The following ITGB6 variants were observed in gnomAD, a reference collection of about 807,000 sequenced individuals.
ITGB6 encodes integrin subunit beta 6, also known as integrin beta-6.
ITGB6 carries 80 observed loss-of-function variants against 84.5 expected under a neutral mutation model. The ratio of observed to expected loss-of-function variants is 0.95; its 90% CI spans 0.79 to 1.14. The LOEUF (loss-of-function observed/expected upper bound fraction) is 1.14, where lower values mean the gene tolerates loss of function less well. Among genes scored for constraint, ITGB6 ranks in the 50% most tolerant of loss-of-function variants. ITGB6 has a pLI of 0.00. For missense variants in ITGB6, 1,006 were observed against 968.0 expected (o/e 1.04, Z -0.52); for synonymous variants, 383 against 354.9 (o/e 1.08, Z -0.89).
intron 4 of ITGB6, among the ~76,000 whole-genome samples, chr2:160,180,398 T>C (rs1040001592): frequency 2.0e-5 from 3 of 152,220 alleles, no homozygotes; most frequent in African/African-American, 4.8e-5. Context: ...CCTCCAGCTC[T>C]GGGACTACAG....
Position 160,111,599 on chromosome 2 carries a change from G to GTTTTT in ITGB6, c.2101+476_2101+480dup, listed in dbSNP as rs35948673. On this transcript the variant is annotated intron_variant, in intron 13 of 14. Coordinates refer to ENST00000283249, the MANE Select transcript of ITGB6 (RefSeq NM_000888.5). ...GCTGCAACTACAAGTCATCTTAGCT[G>GTTTTT]TTTTTTTTTTTTTTTGGCAGAGTCT... is the stretch of plus-strand genomic sequence containing the variant. Among the ~76,000 whole-genome samples the GTTTTT allele has an allele frequency of 4.8e-3, 642 of 134,482 alleles. 16 individuals carry two copies. The highest frequency in any genetic ancestry group is 9.4e-3 in the African/African-American group (334 of 35,368). 88.2% of individuals were successfully genotyped at this position (134,482 alleles called of 152,430 possible).
At position 160,197,140 on chromosome 2, in the gene ITGB6, G is replaced by A. The variant is rs1271417902; in HGVS notation, c.142-720C>T. 3.9e-5 allele frequency among the ~76,000 whole-genome samples: 6 copies of A among 152,218 alleles called. No homozygotes were observed. The South Asian group carries it at 1.0e-3, about 26-fold the overall frequency. On this transcript the variant is annotated intron_variant, in intron 2 of 14. Coordinates refer to ENST00000283249, the MANE Select transcript of ITGB6 (RefSeq NM_000888.5). Reference sequence around the variant, plus strand: ...GAAAGTGAGGAAGAAAAGTGAAAAAGATGGGTTAAAAGTCTGCTTTTTGCT... The same window carrying A: ...GAAAGTGAGGAAGAAAAGTGAAAAAAATGGGTTAAAAGTCTGCTTTTTGCT...
At chr2:160,144,163 A>T (rs900595480) in intron 7 of ITGB6, among the ~76,000 whole-genome samples, 1 of 152,134 alleles carries the variant, frequency 6.6e-6, no homozygotes, top group Non-Finnish European at 1.5e-5. Flanking sequence ...TCAGCCTTCC[A>T]AAGTGTTGGG....
intron 7 of ITGB6, among the ~76,000 whole-genome samples, chr2:160,144,338 C>A (rs959878610): frequency 6.6e-6 from 1 of 152,164 alleles, no homozygotes; most frequent in Admixed American, 6.5e-5. Flanking sequence ...TGATGGAGGA[C>A]CCCCTTTTGT....
chr2:160,107,674 C>T lies in ITGB6; in HGVS notation c.2268+5G>A. The T allele has an allele frequency of 6.2e-7, 1 of 1,613,820 alleles. No homozygotes were observed. Among genetic ancestry groups the T allele is most frequent in the Non-Finnish European group, 8.5e-7 (1 of 1,179,756 alleles). On this transcript the variant is annotated splice_donor_5th_base_variant and intron_variant, in intron 14 of 14. Coordinates refer to ENST00000283249, the MANE Select transcript of ITGB6 (RefSeq NM_000888.5). ...GACAAGGAGTAGCCCTAAGTTTCCACATACCGTTTGCCACTTGGCTTTTGA... is the reference window on the plus strand; with the variant it reads ...GACAAGGAGTAGCCCTAAGTTTCCATATACCGTTTGCCACTTGGCTTTTGA...
chr2:160,170,222 A>G (rs1218347820), intron 6 of ITGB6, among the ~76,000 whole-genome samples: 1 of 152,202 alleles, frequency 6.6e-6, no homozygotes, highest in East Asian at 1.9e-4. Flanking sequence ...CTGTACACTC[A>G]TATGGAATAT....
chr2:160,199,765 A>T (rs1370460685), intron 1 of ITGB6, among the ~76,000 whole-genome samples: 2 of 152,230 alleles, frequency 1.3e-5, no homozygotes, highest in Admixed American at 6.5e-5. Context: ...CAGTAATGTT[A>T]TTTAATTCTC....
intron 10 of ITGB6, among the ~76,000 whole-genome samples, chr2:160,129,952 A>G (rs1683399921): frequency 1.3e-5 from 2 of 151,724 alleles, no homozygotes; most frequent in Non-Finnish European, 2.9e-5. Flanking sequence ...ATGTGTGTAT[A>G]CACACACACA....
intron 7 of ITGB6, among the ~76,000 whole-genome samples, chr2:160,144,547 G>A (rs1684118541): frequency 6.6e-6 from 1 of 152,226 alleles, no homozygotes; most frequent in African/African-American, 2.4e-5. Flanking sequence ...AGAGACGGCA[G>A]AGGGAACCTT....
At chr2:160,198,136 C>CA (rs1196596654) in intron 2 of ITGB6, among the ~76,000 whole-genome samples, 3 of 151,926 alleles carry the variant, frequency 2.0e-5, no homozygotes, top group African/African-American at 7.3e-5. Flanking sequence ...AGTCAATATC[C>CA]AAAAAACATG....
At chr2:160,145,224 G>C (rs1684144088) in intron 7 of ITGB6, among the ~76,000 whole-genome samples, 1 of 152,150 alleles carries the variant, frequency 6.6e-6, no homozygotes, top group Non-Finnish European at 1.5e-5. Flanking sequence ...ATTAGAAATG[G>C]TGAACACTGC....
At chr2:160,172,203 T>C (rs1685232107) in intron 6 of ITGB6, among the ~76,000 whole-genome samples, 1 of 152,248 alleles carries the variant, frequency 6.6e-6, no homozygotes, top group African/African-American at 2.4e-5. Flanking sequence ...TCAAGGACTA[T>C]CATTCACTGC....
chr2:160,118,314 C>A (rs1682874176), intron 12 of ITGB6, among the ~76,000 whole-genome samples: 1 of 152,168 alleles, frequency 6.6e-6, no homozygotes. Context: ...AGCTTATCCA[C>A]CATGATCAAG....
chr2:160,124,019 A>G, intron 11 of ITGB6, 131 bp from the exon 12 acceptor site: 1 of 603,978 alleles, frequency 1.7e-6, no homozygotes, highest in Non-Finnish European at 2.9e-6. Flanking sequence ...ATCTTTTGTT[A>G]CTTTCAAAAG....
intron 7 of ITGB6, among the ~76,000 whole-genome samples, chr2:160,166,428 A>T (rs1685003570): frequency 6.6e-6 from 1 of 152,210 alleles, no homozygotes; most frequent in Non-Finnish European, 1.5e-5. Context: ...CACAGTGATT[A>T]ATAATATGAT....
At chr2:160,137,063 A>G (rs1683764492) in intron 10 of ITGB6, among the ~76,000 whole-genome samples, 1 of 86,080 alleles carries the variant, frequency 1.2e-5, no homozygotes, top group Non-Finnish European at 2.7e-5. Flanking sequence ...AAAAAAAAAA[A>G]GAAAAAAAAA....
At chr2:160,135,854 T>C (rs1273722042) in intron 10 of ITGB6, among the ~76,000 whole-genome samples, 3 of 152,186 alleles carry the variant, frequency 2.0e-5, no homozygotes, top group Non-Finnish European at 4.4e-5. Flanking sequence ...TAGCCATATG[T>C]AGAAAGCTGA....
intron 14 of ITGB6, among the ~76,000 whole-genome samples, chr2:160,103,511 G>A (rs1157195102): frequency 6.6e-6 from 1 of 152,174 alleles, no homozygotes; most frequent in African/African-American, 2.4e-5. Context: ...AGAGCAGCCT[G>A]GTTAATTCTG....
At position 160,137,830 on chromosome 2, in the gene ITGB6, T is replaced by C. The variant is rs201585236; in HGVS notation, c.1264A>G (p.Asn422Asp). ...GDTASFSVTV[N>D]IPHCERRSRH... ...CTTCTTCTCTCGCAGTGTGGGATAT[T>C]CACAGTCACGCTGAAGGAAGCCTGG... The change falls in exon 10 of 15, where the codon AAT (asparagine) becomes GAT (aspartate). Residue 422 changes from asparagine to aspartate, a missense_variant. Asn to Asp is a conservative substitution (Grantham distance 23). Coordinates refer to ENST00000283249, the MANE Select transcript of ITGB6 (RefSeq NM_000888.5). The C allele has an allele frequency of 5.5e-5, 89 of 1,613,898 alleles. 1 individual carries two copies. Among genetic ancestry groups the C allele is most frequent in the Non-Finnish European group, 5.9e-6 (7 of 1,179,912 alleles).
Sources: allele counts gnomAD v4.1 joint callset (sites outside exome capture counted in the v4.1 genomes callset), GRCh38; gene constraint gnomAD v4.1.1; transcripts MANE v1.5; gene names NCBI Gene and HGNC (gene_info 2026-07-23, HGNC 2026-07-21).